FRAS1: variants seen among roughly 807,000 people sequenced by gnomAD.
FRAS1 encodes Fraser extracellular matrix complex subunit 1, also known as extracellular matrix organizing protein FRAS1.
In FRAS1, 290 loss-of-function variants were observed where a neutral mutation model predicts 435.2. The ratio of observed to expected loss-of-function variants is 0.67; its 90% CI spans 0.61 to 0.73. The LOEUF (loss-of-function observed/expected upper bound fraction) is 0.73. Among genes scored for constraint, FRAS1 ranks in the 30% least tolerant of loss-of-function variants. The pLI, the probability that FRAS1 is intolerant of heterozygous loss-of-function variation, is 0.00. For synonymous variants in FRAS1, 1,800 were observed against 1,851.0 expected, an observed-to-expected ratio of 0.97 and a Z score of 0.71; for missense variants, 4,860 against 5,001.5, an observed-to-expected ratio of 0.97 and a Z score of 0.85.
chr4:78,341,606 T>C (rs1332821756), intron 20 of FRAS1, among the ~76,000 whole-genome samples: 2 of 152,128 alleles, frequency 1.3e-5, no homozygotes, highest in African/African-American at 4.8e-5. Context: ...ATGGTCTGAG[T>C]GGCAATTTCA....
At chr4:78,256,128 A>T (rs1375605693) in intron 6 of FRAS1, among the ~76,000 whole-genome samples, 1 of 152,222 alleles carries the variant, frequency 6.6e-6, no homozygotes, top group South Asian at 2.1e-4. Context: ...CTTTGTGTCA[A>T]ATGAAACAAA....
chr4:78,427,277 C>T (rs1290366988), intron 35 of FRAS1, among the ~76,000 whole-genome samples: 1 of 152,178 alleles, frequency 6.6e-6, no homozygotes, highest in Admixed American at 6.5e-5. Context: ...TGCCTCATGA[C>T]TCTTCACAGA....
intron 14 of FRAS1, among the ~76,000 whole-genome samples, chr4:78,306,513 A>G (rs1728723362): frequency 1.2e-5 from 1 of 81,076 alleles, no homozygotes; most frequent in South Asian, 3.1e-4. Context: ...TCAGACGTAG[A>G]TTTGGTCTTT....
At chr4:78,392,652 T>G (rs1414260370) in intron 29 of FRAS1, among the ~76,000 whole-genome samples, 17 of 152,194 alleles carry the variant, frequency 1.1e-4, no homozygotes. Context: ...AAGCGCTGTT[T>G]TAATCATGCC....
intron 1 of FRAS1, among the ~76,000 whole-genome samples, chr4:78,062,379 C>T (rs921406150): frequency 3.3e-5 from 5 of 152,198 alleles, no homozygotes; most frequent in Admixed American, 2.6e-4. Context: ...ACAGTGCACA[C>T]AGCCATATGC....
chr4:78,417,856 T>A (rs1353985134), intron 32 of FRAS1, among the ~76,000 whole-genome samples: 1 of 152,236 alleles, frequency 6.6e-6, no homozygotes, highest in Admixed American at 6.5e-5. Flanking sequence ...TGTCACACTC[T>A]AACCCACCTT....
chr4:78,113,972 T>G (rs898291005), intron 2 of FRAS1, among the ~76,000 whole-genome samples: 11 of 152,228 alleles, frequency 7.2e-5, no homozygotes, highest in Admixed American at 5.9e-4. Flanking sequence ...GTCTAACATG[T>G]AAGTCTTTAA....
intron 2 of FRAS1, among the ~76,000 whole-genome samples, chr4:78,178,323 G>A (rs1483827270): frequency 1.3e-5 from 2 of 152,138 alleles, no homozygotes; most frequent in Non-Finnish European, 2.9e-5. Context: ...GAATAAGTGG[G>A]ATGTTCTATT....
At chr4:78,468,517 AT>A (rs1315835736) in intron 50 of FRAS1, among the ~76,000 whole-genome samples, 1 of 152,164 alleles carries the variant, frequency 6.6e-6, no homozygotes, top group East Asian at 1.9e-4. Flanking sequence ...CATCATCATC[AT>A]CATTTTAGAA....
Position 78,228,314 on chromosome 4 carries a change from A to G in FRAS1, c.109-9196A>G, listed in dbSNP as rs554143467. The stretch of plus-strand genomic sequence containing the variant: ...ATTACTTAAAGTGGAAAGATGAGGC[A>G]CATGTTTTACTCATAATGGAATTTC... On this transcript the variant is annotated intron_variant, in intron 2 of 73. Transcript: ENST00000512123. 4.2e-4 allele frequency among the ~76,000 whole-genome samples: 64 copies of G among 152,332 alleles called. 2 individuals are homozygous for G. The South Asian group carries it at 8.7e-3, about 21-fold the overall frequency.
intron 2 of FRAS1, among the ~76,000 whole-genome samples, chr4:78,236,276 T>C (rs1724755236): frequency 7.8e-6 from 1 of 128,374 alleles, no homozygotes; most frequent in South Asian, 3.1e-4. Flanking sequence ...AGATGAGCCA[T>C]GAAATAGTTG....
At chr4:78,434,621 T>C (rs1453949463) in intron 38 of FRAS1, among the ~76,000 whole-genome samples, 1 of 152,182 alleles carries the variant, frequency 6.6e-6, no homozygotes, top group African/African-American at 2.4e-5. Flanking sequence ...AAATTGATGC[T>C]ATGACTGACT....
chr4:78,317,540 G>T (rs1327188904), intron 17 of FRAS1, 32 bp downstream of exon 17: 3 of 1,582,316 alleles, frequency 1.9e-6, no homozygotes. Flanking sequence ...TTCTTGAGAG[G>T]CTATCCCACA....
intron 30 of FRAS1, among the ~76,000 whole-genome samples, chr4:78,406,329 C>T (rs1733092358): frequency 6.6e-6 from 1 of 152,170 alleles, no homozygotes; most frequent in African/African-American, 2.4e-5. Flanking sequence ...AGTCTGTTTT[C>T]ACACTGCTGA....
In FRAS1 at chr4:78,542,515, C is replaced by T. The variant is rs866797272; in HGVS notation, c.*1391C>T. ...CTTCTGATGCATGGCACACCATAGTCACCAAGCAAATAACAGAGCCTTCAC... is the reference window on the plus strand; with the variant it reads ...CTTCTGATGCATGGCACACCATAGTTACCAAGCAAATAACAGAGCCTTCAC... On this transcript the variant is annotated 3_prime_UTR_variant, in exon 74 of 74. Coordinates refer to ENST00000512123, the MANE Select transcript of FRAS1 (RefSeq NM_025074.7). 1 of 152,640 alleles carries T rather than the reference C, an allele frequency of 6.6e-6. No homozygotes were observed. The highest frequency in any genetic ancestry group is 2.4e-5 in the African/African-American group (1 of 41,452). The allele number at this position is 152,640 out of a possible 1,614,324, so 9.5% of individuals were successfully genotyped here. A position where few individuals can be genotyped will look rare whatever the true frequency, so the allele number is the denominator to read the frequency against.
chr4:78,164,680 A>C (rs954405458), intron 2 of FRAS1, among the ~76,000 whole-genome samples: 37 of 152,172 alleles, frequency 2.4e-4, no homozygotes, highest in African/African-American at 7.5e-4. Flanking sequence ...ATGGGGTTGT[A>C]CTTAGATATA....
intron 20 of FRAS1, among the ~76,000 whole-genome samples, chr4:78,344,463 A>AGAATGTGATTCCAGAGTCTG (rs60823641): frequency 0.033 from 4,992 of 150,282 alleles, 310 homozygotes; most frequent in African/African-American, 0.11. Context: ...TTGAACCCAG[A>AGAATGTGATTCCAGAGTCTG]GAATGTGATT....
chr4:78,321,837 T>TC (rs1729520993), intron 18 of FRAS1, among the ~76,000 whole-genome samples: 1 of 74,684 alleles, frequency 1.3e-5, no homozygotes, highest in African/African-American at 6.2e-5. Flanking sequence ...CAAAACTTCG[T>TC]CAAAAAAAAA....
At chr4:78,248,043 G>A (rs1255962509) in intron 4 of FRAS1, among the ~76,000 whole-genome samples, 1 of 152,202 alleles carries the variant, frequency 6.6e-6, no homozygotes, top group Admixed American at 6.5e-5. Flanking sequence ...CCTTGGGGGA[G>A]GACCTCCTTT....
Sources: gnomAD v4.1 joint callset for allele counts (sites outside exome capture counted in the v4.1 genomes callset) on GRCh38, gnomAD v4.1.1 for gene constraint, MANE v1.5 for transcripts, NCBI Gene and HGNC (gene_info 2026-07-23, HGNC 2026-07-21) for gene names.